RNF217: variants seen among roughly 807,000 people sequenced by gnomAD.
RNF217 encodes the protein E3 ubiquitin-protein ligase RNF217.
RNF217 carries 31 observed loss-of-function variants against 57.8 expected under a neutral mutation model. That is an observed-to-expected ratio of 0.54 (90% CI 0.40 to 0.72). RNF217 has a LOEUF of 0.72. RNF217 is among the 30% of genes least tolerant of loss of function. RNF217 has a pLI of 0.00. For missense variants in RNF217, 696 were observed against 708.3 expected, an observed-to-expected ratio of 0.98 and a Z score of 0.20; for synonymous variants, 313 against 294.0, an observed-to-expected ratio of 1.06 and a Z score of -0.66.
chr6:125,075,940 A>T (rs568125320), intron 3 of RNF217, among the ~76,000 whole-genome samples: 1 of 152,064 alleles, frequency 6.6e-6, no homozygotes, highest in African/African-American at 2.4e-5. Flanking sequence ...CCATACCACC[A>T]CTGTATGGTA....
At chr6:125,034,390 A>G (rs1786508426) in intron 1 of RNF217, among the ~76,000 whole-genome samples, 2 of 152,154 alleles carry the variant, frequency 1.3e-5, no homozygotes, top group Admixed American at 6.6e-5. Context: ...TAAGGAAGGG[A>G]TCCAGTTTCA....
At chr6:125,045,535 T>C (rs185457593) in intron 2 of RNF217, 91 bp downstream of exon 2, 8 of 878,038 alleles carry the variant, frequency 9.1e-6, no homozygotes, top group African/African-American at 3.4e-5. Flanking sequence ...AGGGGGCATC[T>C]TTCCTTTATG....
At chr6:125,060,549 A>G (rs938353165) in intron 3 of RNF217, among the ~76,000 whole-genome samples, 8 of 152,086 alleles carry the variant, frequency 5.3e-5, no homozygotes, top group Non-Finnish European at 2.9e-5. Flanking sequence ...GGCTCAAGCA[A>G]TTCTCATGCC....
chr6:125,038,448 T>C (rs544796663), intron 1 of RNF217, among the ~76,000 whole-genome samples: 5 of 152,304 alleles, frequency 3.3e-5, no homozygotes, highest in Non-Finnish European at 4.4e-5. Context: ...AATGACATGA[T>C]ATCTGGTATT....
Position 125,084,088 on chromosome 6 carries a change from T to G in RNF217, c.*1151T>G, listed in dbSNP as rs1788696253. On this transcript the variant is annotated 3_prime_UTR_variant, in exon 6 of 6. Transcript: ENST00000521654. ...CATTTAATATCCTAACCTTGTTATC[T>G]CTTGCCTCCTCCTCTCTGTTTTTAT... 5 of 152,032 alleles carry G rather than the reference T, an allele frequency of 3.3e-5. No homozygotes were observed. The South Asian group carries it at 8.3e-4, about 25-fold the overall frequency. 9.4% of individuals were successfully genotyped at this position (152,032 alleles called of 1,614,324 possible). A position where few individuals can be genotyped will look rare whatever the true frequency, so the allele number is the denominator to read the frequency against.
chr6:125,022,521 T>A (rs1166498606), intron 1 of RNF217, among the ~76,000 whole-genome samples: 2 of 152,178 alleles, frequency 1.3e-5, no homozygotes, highest in African/African-American at 2.4e-5. Flanking sequence ...ATTAGCACAT[T>A]GAGTGCAACA....
Position 125,090,033 on chromosome 6 carries a change from AT to A in RNF217, c.*7103del, listed in dbSNP as rs1788888187. 6.6e-6 allele frequency: 1 copy of A among 152,016 alleles called. No homozygotes were observed. Among genetic ancestry groups the A allele is most frequent in the South Asian group, 2.1e-4 (1 of 4,824 alleles). The allele number at this position is 152,016 out of a possible 1,614,324, so 9.4% of individuals were successfully genotyped here. ...CTGACAAGAAACCCTTCTAAGACCCATTTTTTTAAGTGTCATATGGCAACTC... is the reference window on the plus strand; with the variant it reads ...CTGACAAGAAACCCTTCTAAGACCCATTTTTTAAGTGTCATATGGCAACTC... On this transcript the variant is annotated 3_prime_UTR_variant, in exon 6 of 6. Coordinates refer to ENST00000521654, the MANE Select transcript of RNF217 (RefSeq NM_001286398.3).
At chr6:124,980,186 A>T (rs187004004) in intron 1 of RNF217, among the ~76,000 whole-genome samples, 1 of 152,324 alleles carries the variant, frequency 6.6e-6, no homozygotes, top group Non-Finnish European at 1.5e-5. Context: ...TGGCCAAAAA[A>T]TTTGGAAACA....
At chr6:125,056,674 T>C (rs914025620) in intron 2 of RNF217, among the ~76,000 whole-genome samples, 1 of 152,158 alleles carries the variant, frequency 6.6e-6, no homozygotes, top group African/African-American at 2.4e-5. Flanking sequence ...CTTTAAAATG[T>C]AGTCAGTGAA....
In RNF217 at chr6:125,085,694, C is replaced by G. The variant is rs1788750908; in HGVS notation, c.*2757C>G. The stretch of plus-strand genomic sequence containing the variant: ...ACTATACAGAATTTATAAAATACAA[C>G]TTTCTCTACTTACCCCACCTCTTAT... On this transcript the variant is annotated 3_prime_UTR_variant, in exon 6 of 6. Transcript: ENST00000521654. 2.0e-5 allele frequency: 3 copies of G among 151,830 alleles called. No homozygotes were observed. Among genetic ancestry groups the G allele is most frequent in the Non-Finnish European group, 4.4e-5 (3 of 67,824 alleles). The allele number at this position is 151,830 out of a possible 1,614,324, so 9.4% of individuals were successfully genotyped here. A position where few individuals can be genotyped will look rare whatever the true frequency, so the allele number is the denominator to read the frequency against.
intron 1 of RNF217, among the ~76,000 whole-genome samples, chr6:124,999,956 T>C (rs922544915): frequency 3.3e-5 from 5 of 152,172 alleles, no homozygotes; most frequent in African/African-American, 1.2e-4. Context: ...ATGAACAATA[T>C]TGTTGTTTTT....
At chr6:124,963,644 T>C (rs2114967593) in intron 1 of RNF217, among the ~76,000 whole-genome samples, 1 of 152,356 alleles carries the variant, frequency 6.6e-6, no homozygotes, top group South Asian at 2.1e-4. Flanking sequence ...CAGGCTATGG[T>C]TGGCATGTGT....
At chr6:124,996,434 A>C (rs1258187234) in intron 1 of RNF217, 3 of 152,116 alleles carry the variant, frequency 2.0e-5, no homozygotes, top group African/African-American at 7.2e-5. Flanking sequence ...TTATACCCTC[A>C]ATACTAATCT....
At chr6:125,079,478 G>A (rs1384090191) in intron 4 of RNF217, among the ~76,000 whole-genome samples, 3 of 147,680 alleles carry the variant, frequency 2.0e-5, no homozygotes, top group Admixed American at 6.7e-5. Flanking sequence ...CAGAATTGAA[G>A]AAATACAAAT....
chr6:125,013,000 T>C (rs1030623269), intron 1 of RNF217, among the ~76,000 whole-genome samples: 2 of 152,304 alleles, frequency 1.3e-5, no homozygotes, highest in Non-Finnish European at 1.5e-5. Context: ...TTCCAGAAAG[T>C]TAGCATTTCT....
chr6:124,979,554 G>C (rs1320296060), intron 1 of RNF217, among the ~76,000 whole-genome samples: 1 of 152,230 alleles, frequency 6.6e-6, no homozygotes, highest in Non-Finnish European at 1.5e-5. Flanking sequence ...GCAAAGCCTG[G>C]GGTGGGCATA....
chr6:124,963,552 G>C, intron 1 of RNF217, 126 bp downstream of exon 1: 1 of 1,139,142 alleles, frequency 8.8e-7, no homozygotes, highest in Non-Finnish European at 1.2e-6. Flanking sequence ...ATCTCTGTTA[G>C]TTTCTCACGT....
chr6:125,062,835 C>G (rs148797082), intron 3 of RNF217, among the ~76,000 whole-genome samples: 3,334 of 152,246 alleles, frequency 0.022, 113 homozygotes, highest in African/African-American at 0.076. Context: ...CTCAGCCTCC[C>G]AAAGTGTTGG....
chr6:125,064,404 C>T (rs530547453), intron 3 of RNF217, among the ~76,000 whole-genome samples: 2 of 152,126 alleles, frequency 1.3e-5, no homozygotes, highest in Admixed American at 6.5e-5. Context: ...TATCCAATGC[C>T]CTGTTTTTAT....
Sources: allele counts gnomAD v4.1 joint callset (sites outside exome capture counted in the v4.1 genomes callset), GRCh38; gene constraint gnomAD v4.1.1; transcripts MANE v1.5; gene names NCBI Gene and HGNC (gene_info 2026-07-23, HGNC 2026-07-21).